The following VASN variants were observed in gnomAD, a reference collection of about 807,000 sequenced individuals.
VASN encodes the protein vasorin, also known as protein slit-like 2.
VASN carries 5 observed loss-of-function variants against 4.8 expected under a neutral mutation model. That is an observed-to-expected ratio of 1.03 (90% CI 0.54 to 2.17). VASN has a LOEUF of 2.17. Ranked by LOEUF, VASN falls within the 30% of genes most tolerant of loss-of-function variation. VASN has a pLI of 0.01. For missense variants in VASN, 927 were observed against 948.8 expected (o/e 0.98, Z 0.30); for synonymous variants, 499 against 460.8 (o/e 1.08, Z -1.06).
At chr16:4,373,957 A>AC (rs1327748924) in intron 1 of VASN, among the ~76,000 whole-genome samples, 7 of 151,884 alleles carry the variant, frequency 4.6e-5, no homozygotes, top group East Asian at 1.9e-4. Flanking sequence ...CCTCTCCTGG[A>AC]CCCCCCATCA....
chr16:4,375,265 G>A (rs989102533), intron 1 of VASN, among the ~76,000 whole-genome samples: 8 of 152,136 alleles, frequency 5.3e-5, no homozygotes, highest in Non-Finnish European at 1.2e-4. Flanking sequence ...AGCCTCCTGG[G>A]TGGAGGGAGG....
rs2055000047 is a variant in VASN, at chr16:4,382,107, A to T, written c.1230A>T (p.Pro410=). 6.3e-7 allele frequency: 1 copy of T among 1,584,022 alleles called. No homozygotes were observed. The highest frequency in any genetic ancestry group is 8.6e-7 in the Non-Finnish European group (1 of 1,166,258). Residue 410 remains proline, a synonymous_variant, in exon 2 of 2, where the codon CCA becomes CCT. Coordinates refer to ENST00000304735, the MANE Select transcript of VASN (RefSeq NM_138440.3). ...CTGTCCCCCAGCCCCAGGACTGCCCACCGTCCACCTGCCTCAATGGGGGCA... is the reference window on the plus strand; with the variant it reads ...CTGTCCCCCAGCCCCAGGACTGCCCTCCGTCCACCTGCCTCAATGGGGGCA... ...VGPVPQPQDC[P]PSTCLNGGTC... is the part of the protein sequence containing the mutation.
At chr16:4,372,236 C>G (rs1274021700) in intron 1 of VASN, among the ~76,000 whole-genome samples, 1 of 152,164 alleles carries the variant, frequency 6.6e-6, no homozygotes, top group Non-Finnish European at 1.5e-5. Context: ...GCGGTGAGCC[C>G]GCGAGGCTGC....
intron 1 of VASN, among the ~76,000 whole-genome samples, chr16:4,377,399 C>T (rs1430709083): frequency 1.6e-4 from 24 of 152,136 alleles, no homozygotes; most frequent in Admixed American, 1.5e-3. Context: ...TGTAGACAGC[C>T]CCCAGCCCCA....
intron 1 of VASN, among the ~76,000 whole-genome samples, chr16:4,373,165 C>G (rs2054594856): frequency 6.6e-6 from 1 of 152,104 alleles, no homozygotes; most frequent in Non-Finnish European, 1.5e-5. Context: ...GAGCAGTCCC[C>G]TGAGTTTACT....
chr16:4,378,871 G>A (rs555346023), intron 1 of VASN, among the ~76,000 whole-genome samples: 4 of 152,170 alleles, frequency 2.6e-5, no homozygotes, highest in South Asian at 2.1e-4. Context: ...GCTTGTTGTC[G>A]CTAACTGGCT....
Position 4,382,665 on chromosome 16 carries a change from C to G in VASN, c.1788C>G (p.Ala596=). Residue 596 remains alanine, a synonymous_variant, in exon 2 of 2, where the codon GCC becomes GCG. Coordinates refer to ENST00000304735, the MANE Select transcript of VASN (RefSeq NM_138440.3). ...LLAALAAVGA[A]YCVRRGRAMA... ...CCGCGCTGGCTGCGGTGGGGGCAGCCTACTGTGTGCGGCGGGGGCGGGCCA... is the reference window on the plus strand; with the variant it reads ...CCGCGCTGGCTGCGGTGGGGGCAGCGTACTGTGTGCGGCGGGGGCGGGCCA... The G allele has an allele frequency of 6.4e-7, 1 of 1,551,288 alleles. No homozygotes were observed. Among genetic ancestry groups the G allele is most frequent in the Non-Finnish European group, 8.7e-7 (1 of 1,149,872 alleles).
Position 4,382,618 on chromosome 16 carries a change from G to A in VASN, c.1741G>A (p.Ala581Thr), listed in dbSNP as rs780574655. 64 of 1,577,330 alleles carry A rather than the reference G, an allele frequency of 4.1e-5. No individual in the cohort carries two copies. The highest frequency in any genetic ancestry group is 3.3e-4 in the Middle Eastern group (2 of 5,988). Residue 581 changes from alanine (A) to threonine (T), a missense_variant, in exon 2 of 2, where the codon GCC (alanine) becomes ACC (threonine). Physicochemically the swap from Ala to Thr is moderately conservative, Grantham distance 58. Coordinates refer to ENST00000304735, the MANE Select transcript of VASN (RefSeq NM_138440.3). ...CAACCTGCCGCTCCTCATTGCGCCC[G>A]CCCTGGCCGCGGTGCTCCTGGCCGC... Reference protein sequence around the residue: ...EGNLPLLIAPALAAVLLAALA... With the variant: ...EGNLPLLIAPTLAAVLLAALA...
At position 4,381,427 on chromosome 16, in the gene VASN, C is replaced by T. The variant is rs773302020; in HGVS notation, c.550C>T (p.Leu184=). Residue 184 remains leucine (L), a synonymous_variant, in exon 2 of 2, where the codon CTG becomes TTG. Coordinates refer to ENST00000304735, the MANE Select transcript of VASN (RefSeq NM_138440.3). The stretch of plus-strand genomic sequence containing the variant: ...CCTCAGCCACAACAGCCTCCTGGCC[C>T]TGGAGCCCGGCATCCTGGACACTGC... ...LDLSHNSLLA[L]EPGILDTANV... 3 of 1,581,316 alleles carry T rather than the reference C, an allele frequency of 1.9e-6. No homozygotes were observed. The highest frequency in any genetic ancestry group is 2.6e-6 in the Non-Finnish European group (3 of 1,165,670).
chr16:4,381,429 G>T lies in VASN; in HGVS notation c.552G>T (p.Leu184=). ...LDLSHNSLLA[L]EPGILDTANV... Reference sequence around the variant, plus strand: ...TCAGCCACAACAGCCTCCTGGCCCTGGAGCCCGGCATCCTGGACACTGCCA... The same window carrying T: ...TCAGCCACAACAGCCTCCTGGCCCTTGAGCCCGGCATCCTGGACACTGCCA... The change falls in exon 2 of 2, where the codon CTG becomes CTT. Residue 184 remains leucine, a synonymous_variant. Transcript: ENST00000304735. 6.3e-7 allele frequency: 1 copy of T among 1,580,998 alleles called. No individual in the cohort carries two copies. Among genetic ancestry groups the T allele is most frequent in the African/African-American group, 1.3e-5 (1 of 74,164 alleles).
At chr16:4,376,954 C>A (rs1279491332) in intron 1 of VASN, among the ~76,000 whole-genome samples, 1 of 152,182 alleles carries the variant, frequency 6.6e-6, no homozygotes, top group Non-Finnish European at 1.5e-5. Context: ...ATGAGTGACG[C>A]CCTCCGCAGT....
rs1242261031 is a variant in VASN at position 4,381,011 on chromosome 16, C to T, written c.134C>T (p.Thr45Met). The T allele has an allele frequency of 6.8e-6, 11 of 1,608,884 alleles. No individual in the cohort carries two copies. Among genetic ancestry groups the T allele is most frequent in the South Asian group, 1.1e-5 (1 of 90,492 alleles). The change falls in exon 2 of 2, where the codon ACG becomes ATG. Residue 45 changes from threonine to methionine, a missense_variant. Coordinates refer to ENST00000304735, the MANE Select transcript of VASN (RefSeq NM_138440.3). The part of the protein sequence containing the change: ...TVFCTARQGT[T>M]VPRDVPPDTV... ...TTCTGCACTGCCCGCCAGGGGACCA[C>T]GGTGCCCCGAGACGTGCCACCCGAC... is the stretch of plus-strand genomic sequence containing the variant.
rs2055001132 is a variant in VASN at position 4,382,129 on chromosome 16, G to C, written c.1252G>C (p.Gly418Arg). ...CCCACCGTCCACCTGCCTCAATGGG[G>C]GCACATGCCACCTGGGGACACGGCA... ...DCPPSTCLNG[G>R]TCHLGTRHHL... is the part of the protein sequence containing the mutation. The change falls in exon 2 of 2, where the codon GGC (glycine) becomes CGC (arginine). Residue 418 changes from glycine to arginine, a missense_variant. Physicochemically the swap from Gly to Arg is moderately radical, Grantham distance 125. Coordinates refer to ENST00000304735, the MANE Select transcript of VASN (RefSeq NM_138440.3). The C allele has an allele frequency of 5.7e-6, 9 of 1,589,618 alleles. No homozygotes were observed. Among genetic ancestry groups the C allele is most frequent in the Non-Finnish European group, 7.7e-6 (9 of 1,168,648 alleles).
chr16:4,379,351 C>T (rs113192576), intron 1 of VASN, among the ~76,000 whole-genome samples: 3 of 152,054 alleles, frequency 2.0e-5, no homozygotes, highest in Non-Finnish European at 2.9e-5. Flanking sequence ...ACGGCCCCAG[C>T]GGTCTCCCCA....
At chr16:4,377,185 G>A (rs1008446104) in intron 1 of VASN, among the ~76,000 whole-genome samples, 4 of 152,120 alleles carry the variant, frequency 2.6e-5, no homozygotes, top group Non-Finnish European at 5.9e-5. Context: ...GGTGGAGGAC[G>A]GAGGCCCCAG....
chr16:4,382,715 G>C lies in VASN; in HGVS notation c.1838G>C (p.Gly613Ala). The change falls in exon 2 of 2, where the codon GGG becomes GCG. Residue 613 changes from glycine to alanine, a missense_variant. Gly to Ala is a moderately conservative substitution (Grantham distance 60, BLOSUM62 0). Transcript: ENST00000304735. ...RAMAAAAQDK[G>A]QVGPGAGPLE... The stretch of plus-strand genomic sequence containing the variant: ...ATGGCAGCAGCGGCTCAGGACAAAG[G>C]GCAGGTGGGGCCAGGGGCTGGGCCC... 1 of 1,551,316 alleles carries C rather than the reference G, an allele frequency of 6.4e-7. No individual in the cohort carries two copies. The highest frequency in any genetic ancestry group is 1.2e-5 in the South Asian group (1 of 84,512).
Position 4,375,989 on chromosome 16 carries a change from A to G in VASN, c.-10+3996A>G, listed in dbSNP as rs536680134. 1.1e-3 allele frequency among the ~76,000 whole-genome samples: 171 copies of G among 152,278 alleles called. 1 individual carries two copies. Among genetic ancestry groups the G allele is most frequent in the African/African-American group, 4.0e-3 (167 of 41,568 alleles). On this transcript the variant is annotated intron_variant, in intron 1 of 1. Transcript: ENST00000304735. ...TGACTGAGCTCCTGGCTGTGGCATT[A>G]TCTGTGGAATGAAGAGCGCCAGCTT...
Position 4,381,251 on chromosome 16 carries a change from G to A in VASN, c.374G>A (p.Arg125His), listed in dbSNP as rs750677669. The A allele has an allele frequency of 4.7e-5, 76 of 1,611,234 alleles. 1 individual carries two copies. Among genetic ancestry groups the A allele is most frequent in the Non-Finnish European group, 5.8e-5 (68 of 1,179,342 alleles). ...AATGAGACCTTCCGTGGCCTGCGGC[G>A]CCTCGAGCGCCTCTACCTGGGCAAG... is the stretch of plus-strand genomic sequence containing the variant. The part of the protein sequence containing the change: ...ITNETFRGLR[R>H]LERLYLGKNR... Residue 125 changes from arginine to histidine, a missense_variant, in exon 2 of 2, where the codon CGC becomes CAC. Transcript: ENST00000304735.
intron 1 of VASN, among the ~76,000 whole-genome samples, chr16:4,377,184 C>T (rs887281270): frequency 4.6e-5 from 7 of 152,130 alleles, no homozygotes; most frequent in African/African-American, 1.2e-4. Context: ...GGGTGGAGGA[C>T]GGAGGCCCCA....
Sources: allele counts gnomAD v4.1 joint callset (sites outside exome capture counted in the v4.1 genomes callset), GRCh38; gene constraint gnomAD v4.1.1; transcripts MANE v1.5; gene names NCBI Gene and HGNC (gene_info 2026-07-23, HGNC 2026-07-21).